SLC19A3: variants seen among roughly 807,000 people sequenced by gnomAD.
The protein encoded by SLC19A3 is solute carrier family 19 member 3.
In SLC19A3, 31 loss-of-function variants were observed where a neutral mutation model predicts 40.2. The ratio of observed to expected loss-of-function variants is 0.77; its 90% CI spans 0.58 to 1.04. The LOEUF is 1.04. Ranked by LOEUF, SLC19A3 falls within the 50% of genes least tolerant of loss-of-function variation. The pLI is 0.00. For missense variants in SLC19A3, 592 were observed against 596.7 expected (o/e 0.99, Z 0.08); for synonymous variants, 212 against 227.5 (o/e 0.93, Z 0.61).
chr2:227,696,620 C>T (rs1695447002), intron 3 of SLC19A3, among the ~76,000 whole-genome samples: 1 of 152,096 alleles, frequency 6.6e-6, no homozygotes, highest in African/African-American at 2.4e-5. Context: ...GTCTTATTTC[C>T]AATCTCCACT....
intron 1 of SLC19A3, among the ~76,000 whole-genome samples, chr2:227,704,190 C>T (rs1468690191): frequency 6.6e-6 from 1 of 152,056 alleles, no homozygotes; most frequent in African/African-American, 2.4e-5. Context: ...CAGGAACAGG[C>T]AAGAATCCAG....
intron 3 of SLC19A3, 112 bp downstream of exon 3, chr2:227,698,624 A>T: frequency 2.0e-6 from 2 of 990,502 alleles, no homozygotes; most frequent in East Asian, 4.8e-5. Flanking sequence ...GACTGAAAAA[A>T]GTTATGCTTC....
chr2:227,715,360 T>A (rs13019087), intron 1 of SLC19A3, among the ~76,000 whole-genome samples: 22,219 of 152,058 alleles, frequency 0.15, 2,123 homozygotes, highest in South Asian at 0.33. Flanking sequence ...CTGTTGTTTG[T>A]TTTTGTAAGA....
chr2:227,702,463 A>T, intron 1 of SLC19A3, 143 bp from the exon 2 acceptor site: 1 of 772,790 alleles, frequency 1.3e-6, no homozygotes, highest in Admixed American at 2.4e-5. Context: ...GCATGATCTC[A>T]GCCCATTGCA....
At chr2:227,699,632 C>A (rs1427272103) in intron 2 of SLC19A3, 68 bp from the exon 3 acceptor site, 3 of 1,332,160 alleles carry the variant, frequency 2.3e-6, no homozygotes, top group Admixed American at 3.4e-5. Context: ...TGGTTTGTAT[C>A]TCAAATTCTG....
intron 2 of SLC19A3, chr2:227,701,788 A>G (rs1574564729): frequency 5.7e-6 from 1 of 175,048 alleles, no homozygotes; most frequent in East Asian, 1.6e-4. Context: ...AAATACCACA[A>G]TTTTTTATGA....
At chr2:227,702,454 C>G in intron 1 of SLC19A3, 134 bp from the exon 2 acceptor site, 1 of 874,114 alleles carries the variant, frequency 1.1e-6, no homozygotes, top group Non-Finnish European at 1.8e-6. Context: ...AGTGCAGTGG[C>G]ATGATCTCAG....
Position 227,690,706 on chromosome 2 carries a change from C to CAAAAAAAAAAAAA in SLC19A3, c.1173-2412_1173-2400dup, listed in dbSNP as rs34163746. 6.5e-3 allele frequency among the ~76,000 whole-genome samples: 255 copies of CAAAAAAAAAAAAA among 39,164 alleles called. 13 individuals are homozygous for CAAAAAAAAAAAAA. Among genetic ancestry groups the CAAAAAAAAAAAAA allele is most frequent in the African/African-American group, 0.018 (190 of 10,490 alleles). The allele number at this position is 39,164 out of a possible 152,430, so 25.7% of individuals were successfully genotyped here. On this transcript the variant is annotated intron_variant, in intron 4 of 5. Transcript: ENST00000644224. ...TGGGTGACAGACCGAGACTCCATCT[C>CAAAAAAAAAAAAA]AAAAAAAAAAAAAAAAAAAAAAAAA... is the stretch of plus-strand genomic sequence containing the variant.
intron 4 of SLC19A3, among the ~76,000 whole-genome samples, chr2:227,689,983 T>C (rs539034840): frequency 1.3e-5 from 2 of 152,182 alleles, no homozygotes; most frequent in South Asian, 2.1e-4. Flanking sequence ...CTCATGGTAA[T>C]CTCAAATTGA....
At chr2:227,705,513 G>A (rs1695896145) in intron 1 of SLC19A3, among the ~76,000 whole-genome samples, 1 of 151,944 alleles carries the variant, frequency 6.6e-6, no homozygotes, top group African/African-American at 2.4e-5. Context: ...TATATACCCA[G>A]TAACAGGAAT....
chr2:227,698,728 T>G lies in SLC19A3; in HGVS notation c.979+8A>C. 1 of 1,610,816 alleles carries G rather than the reference T, an allele frequency of 6.2e-7. No homozygotes were observed. The highest frequency in any genetic ancestry group is 8.5e-7 in the Non-Finnish European group (1 of 1,177,996). On this transcript the variant is annotated splice_region_variant and intron_variant, in intron 3 of 5. Transcript: ENST00000644224. ...CCAACAAAGGAAGATTAAGTGACAT[T>G]TGCTTACCTCCAAAGGTTGCAATAG...
chr2:227,703,977 A>G lies in SLC19A3; in HGVS notation c.-2-1657T>C, dbSNP rs1695823113. Reference sequence around the variant, plus strand: ...CCAAATCGATTTAGTTGGGATGGTCAAGCAGAAAAAAACCTATAATAAGAC... The same window carrying G: ...CCAAATCGATTTAGTTGGGATGGTCGAGCAGAAAAAAACCTATAATAAGAC... On this transcript the variant is annotated intron_variant, in intron 1 of 5. Transcript: ENST00000644224. The surrounding 1 kb of genome is among the most constrained non-coding windows in gnomAD (Gnocchi z 4.7). Among the ~76,000 whole-genome samples the G allele has an allele frequency of 1.2e-4, 1 of 8,680 alleles. No individual in the cohort carries two copies. Among genetic ancestry groups the G allele is most frequent in the Admixed American group, 2.6e-3 (1 of 384 alleles). 5.7% of individuals were successfully genotyped at this position (8,680 alleles called of 152,430 possible).
intron 1 of SLC19A3, among the ~76,000 whole-genome samples, chr2:227,715,838 T>G (rs1696316693): frequency 6.7e-6 from 1 of 150,326 alleles, no homozygotes; most frequent in Non-Finnish European, 1.5e-5. Context: ...TAGTGCCAGG[T>G]AGTTGGGAGA....
Position 227,685,011 on chromosome 2 carries a change from A to C in SLC19A3, c.*2386T>G, listed in dbSNP as rs1181956510. 2 of 150,380 alleles carry C rather than the reference A, an allele frequency of 1.3e-5. No homozygotes were observed. Among genetic ancestry groups the C allele is most frequent in the African/African-American group, 4.9e-5 (2 of 41,080 alleles). The allele number at this position is 150,380 out of a possible 1,614,324, so 9.3% of individuals were successfully genotyped here. A position where few individuals can be genotyped will look rare whatever the true frequency, so the allele number is the denominator to read the frequency against. On this transcript the variant is annotated 3_prime_UTR_variant, in exon 6 of 6. Coordinates refer to ENST00000644224, the MANE Select transcript of SLC19A3 (RefSeq NM_025243.4). ...AAAAAAAAAAAAAAAAAAAAGAAGA[A>C]GAAGAAAAAGAATAGCGGCCATTCC...
At chr2:227,716,832 G>T (rs1026251523) in intron 1 of SLC19A3, among the ~76,000 whole-genome samples, 2 of 151,870 alleles carry the variant, frequency 1.3e-5, no homozygotes, top group Admixed American at 1.3e-4. Flanking sequence ...GAAGGAAATT[G>T]GTATTTTTGT....
chr2:227,683,852 G>C lies in SLC19A3; in HGVS notation c.*3545C>G, dbSNP rs956564417. On this transcript the variant is annotated 3_prime_UTR_variant, in exon 6 of 6. Coordinates refer to ENST00000644224, the MANE Select transcript of SLC19A3 (RefSeq NM_025243.4). ...CTCACTCTGTCATCAGGGCTGGAGTGCAGTGGCATGATCTCAGCTCACTGC... is the reference window on the plus strand; with the variant it reads ...CTCACTCTGTCATCAGGGCTGGAGTCCAGTGGCATGATCTCAGCTCACTGC... 1 of 151,490 alleles carries C rather than the reference G, an allele frequency of 6.6e-6. No homozygotes were observed. Among genetic ancestry groups the C allele is most frequent in the African/African-American group, 2.4e-5 (1 of 41,162 alleles). 9.4% of individuals were successfully genotyped at this position (151,490 alleles called of 1,614,324 possible). A position where few individuals can be genotyped will look rare whatever the true frequency, so the allele number is the denominator to read the frequency against.
rs2106316581 is a variant in SLC19A3, at chr2:227,686,858, C to G, written c.*539G>C. ...CTGTTATTAGAGTTGAAGAGAAGCC[C>G]TTAGAAATGGGACAAACATTGTAAT... is the stretch of plus-strand genomic sequence containing the variant. On this transcript the variant is annotated 3_prime_UTR_variant, in exon 6 of 6. Transcript: ENST00000644224. The G allele has an allele frequency of 6.6e-6, 1 of 152,364 alleles. No homozygotes were observed. Among genetic ancestry groups the G allele is most frequent in the Middle Eastern group, 3.4e-3 (1 of 294 alleles). 9.4% of individuals were successfully genotyped at this position (152,364 alleles called of 1,614,324 possible). A position where few individuals can be genotyped will look rare whatever the true frequency, so the allele number is the denominator to read the frequency against.
Position 227,699,577 on chromosome 2 carries a change from T to C in SLC19A3, c.151-13A>G. 2 of 1,609,384 alleles carry C rather than the reference T, an allele frequency of 1.2e-6. No homozygotes were observed. The highest frequency in any genetic ancestry group is 1.3e-5 in the African/African-American group (1 of 74,980). On this transcript the variant is annotated splice_polypyrimidine_tract_variant and intron_variant, in intron 2 of 5. Coordinates refer to ENST00000644224, the MANE Select transcript of SLC19A3 (RefSeq NM_025243.4). ...TCTCATTTGTTATCTGCAAAGTTGG[T>C]AAATTGCATGACCACGAAGCACCGG...
At chr2:227,690,147 C>G (rs1040778699) in intron 4 of SLC19A3, among the ~76,000 whole-genome samples, 71 of 152,224 alleles carry the variant, frequency 4.7e-4, no homozygotes, top group Non-Finnish European at 3.8e-4. Context: ...ACTTATCAAT[C>G]TAAACTCTTC....
Sources: allele counts gnomAD v4.1 joint callset (sites outside exome capture counted in the v4.1 genomes callset), GRCh38; gene constraint gnomAD v4.1.1; non-coding constraint Gnocchi (gnomAD v3.1); transcripts MANE v1.5; gene names NCBI Gene and HGNC (gene_info 2026-07-23, HGNC 2026-07-21).